The following FBXL6 variants were observed in gnomAD, a reference collection of about 807,000 sequenced individuals.
FBXL6 encodes the protein F-box and leucine rich repeat protein 6.
Under a neutral mutation model 53.3 loss-of-function variants are expected in FBXL6, and 50 were observed. That is an observed-to-expected ratio of 0.94 (90% CI 0.75 to 1.19). The LOEUF is 1.19. FBXL6 is among the 50% of genes most tolerant of loss of function. FBXL6 has a pLI of 0.00. For missense variants in FBXL6, 815 were observed against 719.0 expected, an observed-to-expected ratio of 1.13 and a Z score of -1.53; for synonymous variants, 405 against 322.9, an observed-to-expected ratio of 1.25 and a Z score of -2.73.
rs781833133 is a variant in FBXL6, at chr8:144,355,987, C to T, written c.1453G>A (p.Val485Ile). Reference sequence around the variant, plus strand: ...GCTGACCTGACAGTGCTTGGTGTGACCCGGGTGCCCCTGAGGTTAAGAGAG... The same window carrying T: ...GCTGACCTGACAGTGCTTGGTGTGATCCGGGTGCCCCTGAGGTTAAGAGAG... ...LCSLNLRGTR[V>I]TPSTVSSVIS... Residue 485 changes from valine to isoleucine, a missense_variant, in exon 8 of 9, where the codon GTC (valine) becomes ATC (isoleucine). Physicochemically the swap from Val to Ile is conservative, Grantham distance 29 (BLOSUM62 3). Coordinates refer to ENST00000331890, the MANE Select transcript of FBXL6 (RefSeq NM_012162.4). The T allele has an allele frequency of 3.5e-5, 57 of 1,612,732 alleles. No individual in the cohort carries two copies. The highest frequency in any genetic ancestry group is 6.7e-5 in the Admixed American group (4 of 59,998).
In FBXL6 at chr8:144,356,983, G is replaced by T; in HGVS notation, c.771+7C>A. 6.2e-7 allele frequency: 1 copy of T among 1,613,022 alleles called. No homozygotes were observed. The highest frequency in any genetic ancestry group is 8.5e-7 in the Non-Finnish European group (1 of 1,180,008). On this transcript the variant is annotated splice_region_variant and intron_variant, in intron 4 of 8. Transcript: ENST00000331890. ...TTTTTCAGGGCCCCTTGGGACACAGGGCTCACCATGGAGTGCTGTAGGTCC... is the reference window on the plus strand; with the variant it reads ...TTTTTCAGGGCCCCTTGGGACACAGTGCTCACCATGGAGTGCTGTAGGTCC...
chr8:144,355,617 G>T lies in FBXL6; in HGVS notation c.1534C>A (p.Pro512Thr). The T allele has an allele frequency of 6.2e-7, 1 of 1,611,310 alleles. No homozygotes were observed. Among genetic ancestry groups the T allele is most frequent in the Admixed American group, 1.7e-5 (1 of 60,008 alleles). ...YLNLESCRCL[P>T]RGLKRAYRGL... is the part of the protein sequence containing the mutation. Reference sequence around the variant, plus strand: ...CGGTAGGCCCGCTTCAGACCCCGGGGAAGGCAGCGGCAGGACTCCAGGTTG... The same window carrying T: ...CGGTAGGCCCGCTTCAGACCCCGGGTAAGGCAGCGGCAGGACTCCAGGTTG... Residue 512 changes from proline (P) to threonine (T), a missense_variant, in exon 9 of 9, where the codon CCC becomes ACC. By Grantham distance (38) the Pro-to-Thr change is conservative. Coordinates refer to ENST00000331890, the MANE Select transcript of FBXL6 (RefSeq NM_012162.4).
chr8:144,355,977 C>CT lies in FBXL6; in HGVS notation c.1462dup (p.Ser488LysfsTer86), dbSNP rs1564647584. The CT allele has an allele frequency of 6.2e-7, 1 of 1,612,674 alleles. No individual in the cohort carries two copies. The highest frequency in any genetic ancestry group is 8.5e-7 in the Non-Finnish European group (1 of 1,179,726). On this transcript the variant is annotated frameshift_variant, in exon 8 of 9. Coordinates refer to ENST00000331890, the MANE Select transcript of FBXL6 (RefSeq NM_012162.4). LOFTEE classifies it high-confidence loss of function. ...GGTAGGGGATGCTGACCTGACAGTGCTTGGTGTGACCCGGGTGCCCCTGAG... is the reference window on the plus strand; with the variant it reads ...GGTAGGGGATGCTGACCTGACAGTGCTTTGGTGTGACCCGGGTGCCCCTGAG...
At position 144,356,088 on chromosome 8, in the gene FBXL6, C is replaced by G. The variant is rs1554852693; in HGVS notation, c.1352G>C (p.Gly451Ala). The G allele has an allele frequency of 1.2e-6, 2 of 1,612,998 alleles. No homozygotes were observed. Among genetic ancestry groups the G allele is most frequent in the South Asian group, 2.2e-5 (2 of 91,090 alleles). Residue 451 changes from glycine (G) to alanine (A), a missense_variant, in exon 8 of 9, where the codon GGG becomes GCG. By Grantham distance (60) the Gly-to-Ala change is moderately conservative. Transcript: ENST00000331890. ...CTGCTCCAGGTCCTTCTCACTGAAC[C>G]CCTGGCCACTCAAGTCCAGTTCTCG... Reference protein sequence around the residue: ...TLRELDLSGQGFSEKDLEQAL... With the variant: ...TLRELDLSGQAFSEKDLEQAL...
intron 3 of FBXL6, 48 bp downstream of exon 3, chr8:144,357,391 A>G (rs1564650182): frequency 6.4e-7 from 1 of 1,573,344 alleles, no homozygotes; most frequent in South Asian, 1.1e-5. Flanking sequence ...AGTACTGAAC[A>G]GTCCCAGAGT....
Position 144,355,534 on chromosome 8 carries a change from G to C in FBXL6, c.1617C>G (p.Ser539Arg), listed in dbSNP as rs146434678. 14 of 1,608,460 alleles carry C rather than the reference G, an allele frequency of 8.7e-6. No individual in the cohort carries two copies. Among genetic ancestry groups the C allele is most frequent in the Admixed American group, 3.3e-5 (2 of 59,964 alleles). Reference protein sequence around the residue: ...LEQLLTSPSPS With the variant: ...LEQLLTSPSPR ...GGTGTCCCAGGTCTGTGGCTGCCTA[G>C]CTGGGTGAGGGGCTGGTGAGCAGCT... Residue 539 changes from serine (S) to arginine (R), a missense_variant, in exon 9 of 9, where the codon AGC (serine) becomes AGG (arginine). Ser to Arg is a moderately radical substitution (Grantham distance 110, BLOSUM62 -1). Coordinates refer to ENST00000331890, the MANE Select transcript of FBXL6 (RefSeq NM_012162.4).
Position 144,358,220 on chromosome 8 carries a change from G to A in FBXL6, c.228C>T (p.Ser76=). The A allele has an allele frequency of 8.3e-7, 1 of 1,210,798 alleles. No homozygotes were observed. The highest frequency in any genetic ancestry group is 1.0e-6 in the Non-Finnish European group (1 of 974,378). 75.0% of individuals were successfully genotyped at this position (1,210,798 alleles called of 1,614,324 possible). The part of the protein sequence containing the change: ...RTPRQPPRGP[S]AAAKPKAGLR... The stretch of plus-strand genomic sequence containing the variant: ...GCCCGGCCTTGGGCTTGGCCGCGGC[G>A]CTGGGGCCCCGGGGCGGCTGCCGGG... Residue 76 remains serine (S), a synonymous_variant, in exon 1 of 9, where the codon AGC becomes AGT. Transcript: ENST00000331890.
intron 1 of FBXL6, 82 bp from the exon 2 acceptor site, chr8:144,357,868 A>C: frequency 2.8e-6 from 4 of 1,439,816 alleles, no homozygotes; most frequent in Non-Finnish European, 2.7e-6. Flanking sequence ...CCCCGGCTCA[A>C]AGCCGGGCTC....
In FBXL6 at chr8:144,355,650, G is replaced by A. The variant is rs1398696143; in HGVS notation, c.1501C>T (p.Leu501Phe). 4 of 1,610,762 alleles carry A rather than the reference G, an allele frequency of 2.5e-6. No homozygotes were observed. Among genetic ancestry groups the A allele is most frequent in the African/African-American group, 2.7e-5 (2 of 74,848 alleles). The change falls in exon 9 of 9, where the codon CTC becomes TTC. Residue 501 changes from leucine to phenylalanine, a missense_variant. By Grantham distance (22) the Leu-to-Phe change is conservative (BLOSUM62 0). Coordinates refer to ENST00000331890, the MANE Select transcript of FBXL6 (RefSeq NM_012162.4). ...SSVISGCPGL[L>F]YLNLESCRCL... The stretch of plus-strand genomic sequence containing the variant: ...CGGCAGGACTCCAGGTTGAGGTAGA[G>A]CAGGCCCGGGCAGCCGCTGATCACA...
Position 144,355,441 on chromosome 8 carries a change from G to A in FBXL6, c.*90C>T, listed in dbSNP as rs1328596454. 1.1e-5 allele frequency: 17 copies of A among 1,551,562 alleles called. No homozygotes were observed. Among genetic ancestry groups the A allele is most frequent in the Middle Eastern group, 2.4e-4 (1 of 4,250 alleles). ...CCACACACACAGAACTCCTAAAAATGTTTTATTTTAACAAAATGCTCAAAT... is the reference window on the plus strand; with the variant it reads ...CCACACACACAGAACTCCTAAAAATATTTTATTTTAACAAAATGCTCAAAT... On this transcript the variant is annotated 3_prime_UTR_variant, in exon 9 of 9. Coordinates refer to ENST00000331890, the MANE Select transcript of FBXL6 (RefSeq NM_012162.4).
rs1554852836 is a variant in FBXL6 at position 144,356,542 on chromosome 8, G to A, written c.994-11C>T. On this transcript the variant is annotated splice_polypyrimidine_tract_variant and intron_variant, in intron 6 of 8. Transcript: ENST00000331890. ...CAACAGCCGCAGCACCTGGGGGCAA[G>A]GTCCAGGCTGTAGATGGGGGAGGGT... 4 of 1,612,916 alleles carry A rather than the reference G, an allele frequency of 2.5e-6. No homozygotes were observed. Among genetic ancestry groups the A allele is most frequent in the Non-Finnish European group, 3.4e-6 (4 of 1,179,868 alleles).
rs191055486 is a variant in FBXL6, at chr8:144,356,737, A to G, written c.880-24T>C. 2.2e-3 allele frequency: 3,586 copies of G among 1,610,558 alleles called. 7 individuals are homozygous for G. The highest frequency in any genetic ancestry group is 2.6e-3 in the Admixed American group (155 of 59,996). On this transcript the variant is annotated intron_variant, in intron 5 of 8. Transcript: ENST00000331890. ...CCCTGCAGAGATGGGGGGAGGGGGT[A>G]GGTCACAGGGTCAGTGGCCTGGCAG...
At chr8:144,356,955 G>A in intron 4 of FBXL6, 35 bp downstream of exon 4, 1 of 1,613,084 alleles carries the variant, frequency 6.2e-7, no homozygotes, top group South Asian at 1.1e-5. Flanking sequence ...CCCCGGCCTG[G>A]GTTTTTTCAG....
At chr8:144,357,886 T>TC in intron 1 of FBXL6, 100 bp from the exon 2 acceptor site, 4 of 1,438,120 alleles carry the variant, frequency 2.8e-6, no homozygotes, top group South Asian at 2.9e-5. Flanking sequence ...CTCCTGGGAC[T>TC]CCAACTGGGC....
At position 144,356,369 on chromosome 8, in the gene FBXL6, G is replaced by A. The variant is rs1473353092; in HGVS notation, c.1156C>T (p.Leu386=). ...LGRLLHGSPN[L]RLLDLRGCAR... is the part of the protein sequence containing the mutation. ...CAGCCACGAAGATCCAGTAAGCGCA[G>A]GTTGGGAGAGCCGTGGAGTAGGCGG... is the stretch of plus-strand genomic sequence containing the variant. Residue 386 remains leucine, a synonymous_variant, in exon 7 of 9, where the codon CTG becomes TTG. Coordinates refer to ENST00000331890, the MANE Select transcript of FBXL6 (RefSeq NM_012162.4). The A allele has an allele frequency of 4.3e-6, 7 of 1,613,136 alleles. No homozygotes were observed. Among genetic ancestry groups the A allele is most frequent in the Non-Finnish European group, 5.9e-6 (7 of 1,180,040 alleles).
rs149455097 is a variant in FBXL6 at position 144,355,657 on chromosome 8, C to A, written c.1494G>T (p.Pro498=). The change falls in exon 9 of 9, where the codon CCG becomes CCT. Residue 498 remains proline, a synonymous_variant. Transcript: ENST00000331890. ...STVSSVISGC[P]GLLYLNLESC... The stretch of plus-strand genomic sequence containing the variant: ...ACTCCAGGTTGAGGTAGAGCAGGCC[C>A]GGGCAGCCGCTGATCACAGAGCTGT... 6 of 1,610,710 alleles carry A rather than the reference C, an allele frequency of 3.7e-6. No individual in the cohort carries two copies. In the African/African-American group the frequency reaches 8.0e-5, roughly 22 times the overall value.
Position 144,355,432 on chromosome 8 carries a change from C to A in FBXL6, c.*99G>T. The A allele has an allele frequency of 6.5e-7, 1 of 1,532,628 alleles. No homozygotes were observed. Among genetic ancestry groups the A allele is most frequent in the South Asian group, 1.2e-5 (1 of 81,698 alleles). The allele number at this position is 1,532,628 out of a possible 1,614,324, so 94.9% of individuals were successfully genotyped here. On this transcript the variant is annotated 3_prime_UTR_variant, in exon 9 of 9. Coordinates refer to ENST00000331890, the MANE Select transcript of FBXL6 (RefSeq NM_012162.4). ...CCCTGAGGACCACACACACAGAACT[C>A]CTAAAAATGTTTTATTTTAACAAAA... is the stretch of plus-strand genomic sequence containing the variant.
In FBXL6 at chr8:144,355,969, T is replaced by A; in HGVS notation, c.1471A>T (p.Ser491Cys). Residue 491 changes from serine to cysteine, a missense_variant and splice_region_variant, in exon 8 of 9, where the codon AGC becomes TGC. By Grantham distance (112) the Ser-to-Cys change is moderately radical. Coordinates refer to ENST00000331890, the MANE Select transcript of FBXL6 (RefSeq NM_012162.4). ...GGGACTGGGGTAGGGGATGCTGACC[T>A]GACAGTGCTTGGTGTGACCCGGGTG... ...RGTRVTPSTVSSVISGCPGLL... is the reference protein window; with the variant it reads ...RGTRVTPSTVCSVISGCPGLL... 2 of 1,611,812 alleles carry A rather than the reference T, an allele frequency of 1.2e-6. No homozygotes were observed. Among genetic ancestry groups the A allele is most frequent in the South Asian group, 1.1e-5 (1 of 91,056 alleles).
At position 144,355,652 on chromosome 8, in the gene FBXL6, A is replaced by AGGCC. The variant is rs781901139; in HGVS notation, c.1495_1498dup (p.Leu500ArgfsTer75). ...GCAGGACTCCAGGTTGAGGTAGAGC[A>AGGCC]GGCCCGGGCAGCCGCTGATCACAGA... On this transcript the variant is annotated frameshift_variant, in exon 9 of 9. Transcript: ENST00000331890. LOFTEE classifies it high-confidence loss of function. The AGGCC allele has an allele frequency of 5.5e-5, 88 of 1,610,836 alleles. No homozygotes were observed. Among genetic ancestry groups the AGGCC allele is most frequent in the Non-Finnish European group, 7.2e-5 (85 of 1,179,854 alleles).
Sources: gnomAD v4.1 joint callset for allele counts on GRCh38, gnomAD v4.1.1 for gene constraint, MANE v1.5 for transcripts, NCBI Gene and HGNC (gene_info 2026-07-23, HGNC 2026-07-21) for gene names.